The following DOCK3 variants were observed in gnomAD, a reference collection of about 807,000 sequenced individuals.
DOCK3 encodes the protein dedicator of cytokinesis 3.
Under a neutral mutation model 265.6 loss-of-function variants are expected in DOCK3, and 60 were observed. The ratio of observed to expected loss-of-function variants is 0.23; its 90% CI spans 0.18 to 0.28. The LOEUF (loss-of-function observed/expected upper bound fraction) is 0.28, where lower values mean the gene tolerates loss of function less well. Ranked by LOEUF, DOCK3 falls within the 10% of genes least tolerant of loss-of-function variation. DOCK3 has a pLI of 1.00. For synonymous variants in DOCK3, 881 were observed against 938.0 expected (o/e 0.94, Z 1.11); for missense variants, 1,981 against 2,594.3 (o/e 0.76, Z 5.14).
intron 4 of DOCK3, among the ~76,000 whole-genome samples, chr3:50,892,466 T>C (rs2048688022): frequency 6.6e-6 from 1 of 152,032 alleles, no homozygotes; most frequent in South Asian, 2.1e-4. Context: ...AGAAGAGCAA[T>C]TTCACTCTTA....
chr3:50,762,578 G>A (rs935706242), intron 1 of DOCK3, among the ~76,000 whole-genome samples: 10 of 152,116 alleles, frequency 6.6e-5, no homozygotes, highest in African/African-American at 2.4e-4. Context: ...TCCTACTAAA[G>A]ATCTTGTCAT....
At chr3:51,076,564 T>A (rs977321280) in intron 7 of DOCK3, among the ~76,000 whole-genome samples, 1 of 152,224 alleles carries the variant, frequency 6.6e-6, no homozygotes, top group Non-Finnish European at 1.5e-5. Context: ...AATGCAAGTA[T>A]GCTTTGCATA....
intron 2 of DOCK3, among the ~76,000 whole-genome samples, chr3:50,802,401 T>C (rs2043120389): frequency 6.6e-6 from 1 of 152,202 alleles, no homozygotes; most frequent in African/African-American, 2.4e-5. Context: ...GGTTATCATC[T>C]TTTTTACTTC....
intron 31 of DOCK3, 134 bp downstream of exon 31, chr3:51,313,036 C>T: frequency 3.7e-6 from 3 of 801,706 alleles, no homozygotes; most frequent in Non-Finnish European, 6.1e-6. Flanking sequence ...TTTCACATAA[C>T]ACCTCAGATG....
intron 22 of DOCK3, among the ~76,000 whole-genome samples, chr3:51,256,593 G>GTTTTTTT (rs74193219): frequency 6.3e-5 from 8 of 126,798 alleles, no homozygotes; most frequent in East Asian, 2.3e-4. Context: ...TTTCGTTTTT[G>GTTTTTTT]TTTTTTTTTT....
chr3:51,227,859 G>A (rs2090395001), intron 16 of DOCK3, 123 bp from the exon 17 acceptor site: 1 of 930,516 alleles, frequency 1.1e-6, no homozygotes, highest in Non-Finnish European at 1.7e-6. Context: ...CTGCAGTCAG[G>A]TTGCCACCTA....
intron 9 of DOCK3, among the ~76,000 whole-genome samples, chr3:51,113,901 C>T (rs2083624573): frequency 6.6e-6 from 1 of 152,008 alleles, no homozygotes; most frequent in African/African-American, 2.4e-5. Flanking sequence ...CACTTGAAAC[C>T]AGGAGTTTGA....
intron 9 of DOCK3, among the ~76,000 whole-genome samples, chr3:51,120,904 C>A (rs367737780): frequency 6.6e-6 from 1 of 152,124 alleles, no homozygotes; most frequent in Non-Finnish European, 1.5e-5. Context: ...TGCTTGTCCC[C>A]GTGAGGGTGG....
chr3:50,744,823 T>C (rs953375255), intron 1 of DOCK3, among the ~76,000 whole-genome samples: 1 of 152,234 alleles, frequency 6.6e-6, no homozygotes, highest in Non-Finnish European at 1.5e-5. Context: ...CACCATTTGC[T>C]GAACAGTCTG....
At chr3:51,246,963 C>A (rs1052578466) in intron 22 of DOCK3, among the ~76,000 whole-genome samples, 156 bp downstream of exon 22, 3 of 152,182 alleles carry the variant, frequency 2.0e-5, no homozygotes, top group Admixed American at 2.0e-4. Flanking sequence ...TCTTTCCTTA[C>A]CTTGATTTTG....
At chr3:50,867,634 T>G (rs1365841655) in intron 3 of DOCK3, among the ~76,000 whole-genome samples, 1 of 151,420 alleles carries the variant, frequency 6.6e-6, no homozygotes, top group Admixed American at 6.6e-5. Context: ...GTTTTTATCA[T>G]GAAGGGATTT....
chr3:50,764,804 A>G (rs557767436), intron 1 of DOCK3, among the ~76,000 whole-genome samples: 3 of 152,188 alleles, frequency 2.0e-5, no homozygotes, highest in East Asian at 3.8e-4. Context: ...TAAATGTTAA[A>G]AGAGTTAGTG....
At chr3:50,999,423 C>T (rs1374788785) in intron 5 of DOCK3, among the ~76,000 whole-genome samples, 1 of 152,176 alleles carries the variant, frequency 6.6e-6, no homozygotes, top group Admixed American at 6.5e-5. Context: ...TACTCAAATA[C>T]TTATATTGGG....
At chr3:50,804,751 G>A (rs996122213) in intron 2 of DOCK3, among the ~76,000 whole-genome samples, 2 of 151,628 alleles carry the variant, frequency 1.3e-5, no homozygotes, top group African/African-American at 4.9e-5. Context: ...GAGAGAGACC[G>A]TGGGGAGAGG....
intron 9 of DOCK3, among the ~76,000 whole-genome samples, chr3:51,142,627 CT>C (rs1293849524): frequency 1.1e-4 from 16 of 152,146 alleles, no homozygotes; most frequent in South Asian, 4.1e-4. Context: ...ATTTATCCCC[CT>C]GATGGATATT....
In DOCK3 at chr3:51,323,897, G is replaced by A. The variant is rs558604199; in HGVS notation, c.3403-6241G>A. 5.9e-5 allele frequency among the ~76,000 whole-genome samples: 9 copies of A among 152,212 alleles called. No homozygotes were observed. In the South Asian group the frequency reaches 1.7e-3, roughly 28 times the overall value. On this transcript the variant is annotated intron_variant, in intron 32 of 52. Transcript: ENST00000266037. ...CTTCAAGAAATCAATGAATCCAGGA[G>A]CTGGTTTTTTGAAAAGATCAACAAA...
chr3:51,339,775 G>A (rs1007117552), intron 37 of DOCK3, among the ~76,000 whole-genome samples: 1 of 152,130 alleles, frequency 6.6e-6, no homozygotes, highest in Non-Finnish European at 1.5e-5. Context: ...TCTCCACTGT[G>A]GTGACCAGCC....
Position 51,360,561 on chromosome 3 carries a change from C to A in DOCK3, c.4935C>A (p.Thr1645=). The change falls in exon 47 of 53, where the codon ACC becomes ACA. Residue 1645 remains threonine, a synonymous_variant. Coordinates refer to ENST00000266037, the MANE Select transcript of DOCK3 (RefSeq NM_004947.5). ...KLSPACSGTS[T]PRGNVLASHS... ...GTCCTGCATGTTCAGGCACCAGCAC[C>A]CCACGGGGAAATGTTCTGGCATCCC... 1 of 1,613,346 alleles carries A rather than the reference C, an allele frequency of 6.2e-7. No homozygotes were observed. The highest frequency in any genetic ancestry group is 8.5e-7 in the Non-Finnish European group (1 of 1,179,644).
At chr3:50,687,626 T>A (rs2034921148) in intron 1 of DOCK3, among the ~76,000 whole-genome samples, 1 of 152,224 alleles carries the variant, frequency 6.6e-6, no homozygotes, top group South Asian at 2.1e-4. Flanking sequence ...ATAATTTTAA[T>A]CACATCCTGT....
Sources: allele counts gnomAD v4.1 joint callset (sites outside exome capture counted in the v4.1 genomes callset), GRCh38; gene constraint gnomAD v4.1.1; transcripts MANE v1.5; gene names NCBI Gene and HGNC (gene_info 2026-07-23, HGNC 2026-07-21).